The following MYOM1 variants were observed in gnomAD, a reference collection of about 807,000 sequenced individuals.
MYOM1 encodes the protein myomesin-1.
MYOM1 carries 164 observed loss-of-function variants against 205.3 expected under a neutral mutation model. The ratio of observed to expected loss-of-function variants is 0.80; its 90% CI spans 0.70 to 0.91. The LOEUF is 0.91. Ranked by LOEUF, MYOM1 falls within the 40% of genes least tolerant of loss-of-function variation. The pLI is 0.00. For synonymous variants in MYOM1, 772 were observed against 789.4 expected, an observed-to-expected ratio of 0.98 and a Z score of 0.37; for missense variants, 2,011 against 2,127.3, an observed-to-expected ratio of 0.95 and a Z score of 1.08.
At chr18:3,084,709 A>G (rs1297506076) in intron 31 of MYOM1, among the ~76,000 whole-genome samples, 1 of 152,194 alleles carries the variant, frequency 6.6e-6, no homozygotes, top group Non-Finnish European at 1.5e-5. Flanking sequence ...CTACCTTTAG[A>G]GTGGACTATT....
chr18:3,164,347 C>T lies in MYOM1; in HGVS notation c.1432G>A (p.Gly478Ser). Residue 478 changes from glycine to serine, a missense_variant, in exon 10 of 38, where the codon GGC (glycine) becomes AGC (serine). Transcript: ENST00000356443. Reference protein sequence around the residue: ...TFSHLNKEDEGLYTIRVRMGE... With the variant: ...TFSHLNKEDESLYTIRVRMGE... ...ATCCGTACACGGATTGTATAGAGGC[C>T]TTCATCTTCTTTGTTGAGATGGGAA... The T allele has an allele frequency of 6.2e-7, 1 of 1,612,180 alleles. No homozygotes were observed. Among genetic ancestry groups the T allele is most frequent in the Non-Finnish European group, 8.5e-7 (1 of 1,179,098 alleles).
the MYOM1 span, chr18:3,247,242 AG>A: frequency 0.012 from 1,800 of 152,450 alleles, 17 homozygotes; most frequent in Non-Finnish European, 0.02. Context: ...TCCCGTATGG[AG>A]GGGGCGGGAC....
Position 3,075,707 on chromosome 18 carries a change from C to A in MYOM1, c.4685+18G>T, listed in dbSNP as rs746164127. On this transcript the variant is annotated intron_variant, in intron 35 of 37. Transcript: ENST00000356443. Reference sequence around the variant, plus strand: ...AATTAGTGCATGCAAGTGGCATTTGCTAGGACCAGGGACTTACTTCAACCT... The same window carrying A: ...AATTAGTGCATGCAAGTGGCATTTGATAGGACCAGGGACTTACTTCAACCT... The A allele has an allele frequency of 6.2e-7, 1 of 1,602,758 alleles. No individual in the cohort carries two copies.
At position 3,209,947 on chromosome 18, in the gene MYOM1, A is replaced by C. The variant is rs1264540382; in HGVS notation, c.290+4987T>G. On this transcript the variant is annotated intron_variant, in intron 2 of 37. Coordinates refer to ENST00000356443, the MANE Select transcript of MYOM1 (RefSeq NM_003803.4). The surrounding 1 kb of genome is among the most constrained non-coding windows in gnomAD (Gnocchi z 4.0). ...ATCCCAAGCACCTAGAGCAGTGCTT[A>C]GCGCTCAGTAAATATTTATTGAATG... Among the ~76,000 whole-genome samples, 3 of 152,246 alleles carry C rather than the reference A, an allele frequency of 2.0e-5. No individual in the cohort carries two copies. Among genetic ancestry groups the C allele is most frequent in the Non-Finnish European group, 4.4e-5 (3 of 68,042 alleles).
the MYOM1 span, among the ~76,000 whole-genome samples, chr18:3,234,592 G>A: frequency 3.9e-5 from 6 of 152,032 alleles, no homozygotes; most frequent in South Asian, 4.2e-4. Context: ...AGTTGCCAGC[G>A]TGCCACACCC....
chr18:3,120,651 A>G (rs1272613847), intron 19 of MYOM1, among the ~76,000 whole-genome samples: 1 of 152,162 alleles, frequency 6.6e-6, no homozygotes, highest in Admixed American at 6.6e-5. Flanking sequence ...ACAAATGTGC[A>G]TTGTTTTCAG....
chr18:3,192,087 GA>G (rs755850642), intron 3 of MYOM1, among the ~76,000 whole-genome samples: 2 of 152,164 alleles, frequency 1.3e-5, no homozygotes, highest in Non-Finnish European at 2.9e-5. Context: ...ACAGAGCAGG[GA>G]GAAGATGTTA....
chr18:3,118,162 CAGGATGACA>C (rs1271223616), intron 20 of MYOM1, among the ~76,000 whole-genome samples: 1 of 152,166 alleles, frequency 6.6e-6, no homozygotes, highest in Non-Finnish European at 1.5e-5. Flanking sequence ...ATCTGTAAAA[CAGGATGACA>C]AAACATTCTT....
At chr18:3,155,205 A>G in intron 10 of MYOM1, 117 bp from the exon 11 acceptor site, 1 of 1,041,188 alleles carries the variant, frequency 9.6e-7, no homozygotes, top group Non-Finnish European at 1.3e-6. Context: ...TTTGGCCCCA[A>G]CGCAGCAAGC....
upstream of MYOM1, among the ~76,000 whole-genome samples, chr18:3,223,085 T>C (rs1244650335): frequency 6.6e-6 from 1 of 152,190 alleles, no homozygotes; most frequent in Non-Finnish European, 1.5e-5. Context: ...TTTCACCATG[T>C]TGCCAGGATG....
At chr18:3,070,213 G>A (rs894708395) in intron 37 of MYOM1, among the ~76,000 whole-genome samples, 4 of 152,290 alleles carry the variant, frequency 2.6e-5, no homozygotes, top group South Asian at 4.1e-4. Context: ...GTGGTATGGT[G>A]TCATGACTCA....
At chr18:3,186,080 C>T (rs1285697388) in intron 5 of MYOM1, among the ~76,000 whole-genome samples, 1 of 152,132 alleles carries the variant, frequency 6.6e-6, no homozygotes, top group Non-Finnish European at 1.5e-5. Flanking sequence ...CCTGTATTCC[C>T]AGCTACTTGG....
At chr18:3,107,862 G>A (rs1363581198) in intron 22 of MYOM1, among the ~76,000 whole-genome samples, 1 of 152,202 alleles carries the variant, frequency 6.6e-6, no homozygotes, top group African/African-American at 2.4e-5. Context: ...AGTCCTCTCT[G>A]TTCAGGGGCT....
At chr18:3,112,162 G>T in intron 22 of MYOM1, 136 bp downstream of exon 22, 1 of 707,000 alleles carries the variant, frequency 1.4e-6, no homozygotes, top group South Asian at 2.0e-5. Flanking sequence ...CATGTTCTAA[G>T]ATCATTACTT....
chr18:3,086,038 C>G lies in MYOM1; in HGVS notation c.4251G>C (p.Glu1417Asp). The change falls in exon 30 of 38, where the codon GAG becomes GAC. Residue 1417 changes from glutamate (E) to aspartate (D), a missense_variant and splice_region_variant. Coordinates refer to ENST00000356443, the MANE Select transcript of MYOM1 (RefSeq NM_003803.4). ...ACATTTTACATTTATAATCGCCTAC[C>G]TCTGTTATAAGCAGGGTACATATAC... ...KDGICTLLIT[E>D]FSKKDAGIYE... 4 of 1,575,164 alleles carry G rather than the reference C, an allele frequency of 2.5e-6. No homozygotes were observed. In the South Asian group the frequency reaches 3.3e-5, roughly 13 times the overall value.
Position 3,086,165 on chromosome 18 carries a change from C to T in MYOM1, c.4138-14G>A. On this transcript the variant is annotated splice_polypyrimidine_tract_variant and intron_variant, in intron 29 of 37. Transcript: ENST00000356443. ...AATATTTGCCACCTAGGAGAAAAAC[C>T]ATAATTACTTTTCTTAAAATAAGAA... is the stretch of plus-strand genomic sequence containing the variant. The T allele has an allele frequency of 1.3e-6, 2 of 1,500,622 alleles. No homozygotes were observed. The highest frequency in any genetic ancestry group is 1.8e-6 in the Non-Finnish European group (2 of 1,095,758). The allele number at this position is 1,500,622 out of a possible 1,614,324, so 93.0% of individuals were successfully genotyped here.
chr18:3,096,726 A>G (rs1314173997), intron 25 of MYOM1, among the ~76,000 whole-genome samples: 1 of 152,182 alleles, frequency 6.6e-6, no homozygotes, highest in Non-Finnish European at 1.5e-5. Context: ...CATGTATACA[A>G]GAGGGGTAAA....
chr18:3,148,050 T>C (rs997675296), intron 13 of MYOM1, among the ~76,000 whole-genome samples: 2 of 152,074 alleles, frequency 1.3e-5, no homozygotes, highest in Non-Finnish European at 2.9e-5. Flanking sequence ...ATGAACCCAC[T>C]AGAATGGCTA....
At chr18:3,172,332 G>A (rs1439689542) in intron 8 of MYOM1, among the ~76,000 whole-genome samples, 1 of 152,162 alleles carries the variant, frequency 6.6e-6, no homozygotes, top group African/African-American at 2.4e-5. Context: ...TTAGCAATAA[G>A]AGAAGTGAGA....
Sources: allele counts gnomAD v4.1 joint callset (sites outside exome capture counted in the v4.1 genomes callset), GRCh38; gene constraint gnomAD v4.1.1; non-coding constraint Gnocchi (gnomAD v3.1); transcripts MANE v1.5; gene names NCBI Gene and HGNC (gene_info 2026-07-23, HGNC 2026-07-21).